Variants in ABCB10 observed in about 807,000 individuals in gnomAD.
ABCB10 encodes the protein ATP binding cassette subfamily B member 10.
A neutral mutation model predicts 65.4 loss-of-function variants in ABCB10; 54 were observed. The ratio of observed to expected loss-of-function variants is 0.83; its 90% CI spans 0.66 to 1.04. The LOEUF (loss-of-function observed/expected upper bound fraction) is 1.04. Ranked by LOEUF, ABCB10 falls within the 50% of genes least tolerant of loss-of-function variation. The probability of loss-of-function intolerance (pLI) is 0.00; values close to 1 mark genes in which losing one functional copy is unlikely to be tolerated. For synonymous variants in ABCB10, 418 were observed against 406.5 expected, an observed-to-expected ratio of 1.03 and a Z score of -0.34; for missense variants, 846 against 976.6, an observed-to-expected ratio of 0.87 and a Z score of 1.78.
rs372035710 is a variant in ABCB10 at position 229,536,506 on chromosome 1, T to G, written c.1339+2950A>C. ...TGGAGACAGAGTAAGACCCTGTCTC[T>G]AAAACAAAACAAAACAAAAAAGAAG... On this transcript the variant is annotated intron_variant, in intron 6 of 12. Transcript: ENST00000344517. 6.0e-5 allele frequency among the ~76,000 whole-genome samples: 9 copies of G among 151,252 alleles called. No individual in the cohort carries two copies. In the East Asian group the frequency reaches 6.0e-4, roughly 10 times the overall value.
chr1:229,546,479 G>T (rs112294142), intron 3 of ABCB10, among the ~76,000 whole-genome samples: 3,747 of 152,130 alleles, frequency 0.025, 158 homozygotes, highest in African/African-American at 0.085. Context: ...ACTATAATAT[G>T]AAAGAAATAA....
intron 2 of ABCB10, among the ~76,000 whole-genome samples, chr1:229,548,548 A>G (rs1476971282): frequency 6.6e-6 from 1 of 152,202 alleles, no homozygotes; most frequent in African/African-American, 2.4e-5. Context: ...CAAAGTTATC[A>G]TCCCAGCTGC....
chr1:229,531,186 C>G (rs1023792556), intron 7 of ABCB10, among the ~76,000 whole-genome samples: 4 of 152,168 alleles, frequency 2.6e-5, no homozygotes, highest in Middle Eastern at 3.2e-3. Context: ...GTACCAGCCT[C>G]CCCTACCCCA....
intron 1 of ABCB10, among the ~76,000 whole-genome samples, chr1:229,550,626 G>GTAGGTCACTT (rs1263305185): frequency 6.6e-6 from 1 of 151,692 alleles, no homozygotes; most frequent in East Asian, 1.9e-4. Context: ...GCCAAGGCGG[G>GTAGGTCACTT]TAGGTCACTT....
At chr1:229,535,320 T>A (rs1231326286) in intron 6 of ABCB10, 1 of 152,158 alleles carries the variant, frequency 6.6e-6, no homozygotes, top group African/African-American at 2.4e-5. Context: ...TGCCAAAACT[T>A]AGAAGCAGCC....
chr1:229,521,606 G>A lies in ABCB10; in HGVS notation c.1936C>T (p.Arg646Cys), dbSNP rs1200494893. Residue 646 changes from arginine to cysteine, a missense_variant, in exon 11 of 13, where the codon CGT becomes TGT. Physicochemically the swap from Arg to Cys is radical, Grantham distance 180. This residue lies in a region of ABCB10 where 632 missense variants were observed against 803.2 expected (regional missense o/e 0.79). Coordinates refer to ENST00000344517, the MANE Select transcript of ABCB10 (RefSeq NM_012089.3). The part of the protein sequence containing the change: ...GGQKQRIAIA[R>C]ALLKNPKILL... ...TTCAGGCTTACCTTTAGCAGAGCAC[G>A]GGCAATCGCAATCCGCTGTTTCTGC... 3.1e-6 allele frequency: 5 copies of A among 1,611,608 alleles called. No individual in the cohort carries two copies. Among genetic ancestry groups the A allele is most frequent in the Non-Finnish European group, 4.2e-6 (5 of 1,178,800 alleles).
intron 11 of ABCB10, among the ~76,000 whole-genome samples, chr1:229,520,297 C>G (rs973277468): frequency 2.6e-5 from 4 of 151,734 alleles, no homozygotes; most frequent in Non-Finnish European, 1.5e-5. Flanking sequence ...TGGTGAAACC[C>G]CACCTCTACT....
intron 6 of ABCB10, among the ~76,000 whole-genome samples, chr1:229,534,553 C>G (rs560389958): frequency 6.6e-6 from 1 of 151,760 alleles, no homozygotes; most frequent in South Asian, 2.1e-4. Context: ...GGGTGAAACC[C>G]TGTCTCTACT....
intron 4 of ABCB10, 118 bp from the exon 5 acceptor site, chr1:229,540,870 T>A: frequency 1.7e-5 from 20 of 1,203,310 alleles, no homozygotes; most frequent in Non-Finnish European, 2.3e-5. Flanking sequence ...AGAAAAGAAA[T>A]AGTGATAGTA....
chr1:229,519,042 G>C, intron 11 of ABCB10, 167 bp from the exon 12 acceptor site: 1 of 517,770 alleles, frequency 1.9e-6, no homozygotes, highest in South Asian at 2.8e-5. Context: ...TACTGTATGA[G>C]TTCACTTATA....
chr1:229,527,169 G>T, intron 9 of ABCB10, 60 bp downstream of exon 9: 2 of 1,327,052 alleles, frequency 1.5e-6, no homozygotes, highest in Non-Finnish European at 2.1e-6. Flanking sequence ...AAAAAAAAAA[G>T]CAAAAGACAA....
Position 229,518,033 on chromosome 1 carries a change from A to G in ABCB10, c.*146T>C, listed in dbSNP as rs1314875583. 3.1e-6 allele frequency: 2 copies of G among 644,612 alleles called. No homozygotes were observed. Among genetic ancestry groups the G allele is most frequent in the South Asian group, 4.1e-5 (2 of 48,952 alleles). 39.9% of individuals were successfully genotyped at this position (644,612 alleles called of 1,614,324 possible). ...AAGATCTTGAGAACAGGTACGTTTC[A>G]AAACAATCTTTTACACACTTTGGAA... is the stretch of plus-strand genomic sequence containing the variant. On this transcript the variant is annotated 3_prime_UTR_variant, in exon 13 of 13. Coordinates refer to ENST00000344517, the MANE Select transcript of ABCB10 (RefSeq NM_012089.3).
At chr1:229,542,505 G>A (rs1173443188) in intron 3 of ABCB10, 134 bp from the exon 4 acceptor site, 1 of 1,100,474 alleles carries the variant, frequency 9.1e-7, no homozygotes, top group South Asian at 1.7e-5. Flanking sequence ...CAGGCTTGAA[G>A]GTACTGTCCC....
chr1:229,530,657 T>C (rs927091317), intron 7 of ABCB10, among the ~76,000 whole-genome samples: 1 of 152,106 alleles, frequency 6.6e-6, no homozygotes, highest in African/African-American at 2.4e-5. Flanking sequence ...CCCTGAGAGG[T>C]AGAAATTATA....
rs2102716023 is a variant in ABCB10, at chr1:229,558,284, T to C, written c.369A>G (p.Ala123=). 9 of 1,246,296 alleles carry C rather than the reference T, an allele frequency of 7.2e-6. 1 individual carries two copies. The South Asian group carries it at 2.2e-4, about 31-fold the overall frequency. The allele number at this position is 1,246,296 out of a possible 1,614,324, so 77.2% of individuals were successfully genotyped here. ...LPRARFPGGP[A]AAAWAGDEAW... The stretch of plus-strand genomic sequence containing the variant: ...CCTCGTCCCCTGCCCAGGCAGCGGC[T>C]GCGGGACCGCCCGGGAACCGGGCGC... The change falls in exon 1 of 13, where the codon GCA becomes GCG. Residue 123 remains alanine, a synonymous_variant. Transcript: ENST00000344517.
At chr1:229,534,439 A>G (rs994596681) in intron 6 of ABCB10, among the ~76,000 whole-genome samples, 1 of 152,096 alleles carries the variant, frequency 6.6e-6, no homozygotes, top group African/African-American at 2.4e-5. Flanking sequence ...AAAATTGCCA[A>G]TGCTGGCCGG....
rs562407576 is a variant in ABCB10, at chr1:229,546,637, G to A, written c.921+862C>T. On this transcript the variant is annotated intron_variant, in intron 3 of 12. Coordinates refer to ENST00000344517, the MANE Select transcript of ABCB10 (RefSeq NM_012089.3). The stretch of plus-strand genomic sequence containing the variant: ...TGTAATCCCAGCACTTCAGGAGGCC[G>A]AGGCAGGAGGATCACTTGAGGCCAA... 3.3e-4 allele frequency among the ~76,000 whole-genome samples: 50 copies of A among 152,186 alleles called. 1 individual carries two copies. The highest frequency in any genetic ancestry group is 1.1e-3 in the African/African-American group (47 of 41,508).
intron 6 of ABCB10, among the ~76,000 whole-genome samples, chr1:229,538,382 A>G (rs1662769092): frequency 6.6e-6 from 1 of 152,164 alleles, no homozygotes; most frequent in African/African-American, 2.4e-5. Flanking sequence ...CAGAAAGGCC[A>G]GGGAGAGGGG....
chr1:229,540,901 AGACAC>A, intron 4 of ABCB10, 149 bp from the exon 5 acceptor site: 1 of 921,222 alleles, frequency 1.1e-6, no homozygotes, highest in Non-Finnish European at 1.6e-6. Flanking sequence ...ACTCCACAAA[AGACAC>A]TATCAATGGA....
Sources: gnomAD v4.1 joint callset for allele counts (sites outside exome capture counted in the v4.1 genomes callset) on GRCh38, gnomAD v4.1.1 for gene constraint, gnomAD v4.1.1 regional missense constraint, MANE v1.5 for transcripts, NCBI Gene and HGNC (gene_info 2026-07-23, HGNC 2026-07-21) for gene names.